TMEM132D: variants seen among roughly 807,000 people sequenced by gnomAD.
The protein encoded by TMEM132D is transmembrane protein 132D.
TMEM132D carries 21 observed loss-of-function variants against 62.3 expected under a neutral mutation model. The ratio of observed to expected loss-of-function variants is 0.34; its 90% CI spans 0.24 to 0.49. TMEM132D has a LOEUF of 0.49. Among genes scored for constraint, TMEM132D ranks in the 20% least tolerant of loss-of-function variants. The probability of loss-of-function intolerance (pLI) is 0.99; values close to 1 mark genes in which losing one functional copy is unlikely to be tolerated. For synonymous variants in TMEM132D, 621 were observed against 575.6 expected (o/e 1.08, Z -1.13); for missense variants, 1,346 against 1,402.8 (o/e 0.96, Z 0.65).
At chr12:129,144,934 C>T (rs1593275750) in intron 5 of TMEM132D, among the ~76,000 whole-genome samples, 1 of 151,798 alleles carries the variant, frequency 6.6e-6, no homozygotes, top group Non-Finnish European at 1.5e-5. Flanking sequence ...ATCTACCTAT[C>T]ATCTAATCTA....
chr12:129,643,001 T>C (rs1347133901), intron 2 of TMEM132D, among the ~76,000 whole-genome samples: 2 of 143,458 alleles, frequency 1.4e-5, no homozygotes, highest in Admixed American at 1.5e-4. Flanking sequence ...CTCGGCTCAC[T>C]GCAACCTCTG....
chr12:129,821,916 C>T (rs1872550288), intron 1 of TMEM132D, among the ~76,000 whole-genome samples: 1 of 152,184 alleles, frequency 6.6e-6, no homozygotes, highest in South Asian at 2.1e-4. Flanking sequence ...GTGGCCAAGA[C>T]CACAGGTTTC....
At chr12:129,245,975 C>T (rs1880093203) in intron 4 of TMEM132D, among the ~76,000 whole-genome samples, 1 of 152,174 alleles carries the variant, frequency 6.6e-6, no homozygotes, top group Non-Finnish European at 1.5e-5. Flanking sequence ...CGTCATCTGT[C>T]TGCACTGAGA....
At chr12:129,265,346 G>T (rs904746319) in intron 4 of TMEM132D, among the ~76,000 whole-genome samples, 1 of 152,216 alleles carries the variant, frequency 6.6e-6, no homozygotes, top group Admixed American at 6.5e-5. Context: ...AATGTCCAGT[G>T]TTGTGGTAGA....
chr12:129,868,752 G>A (rs1874148324), intron 1 of TMEM132D, among the ~76,000 whole-genome samples: 2 of 152,188 alleles, frequency 1.3e-5, no homozygotes, highest in African/African-American at 4.8e-5. Context: ...GAAGTTCACT[G>A]TCCAGCTGCT....
Position 129,230,307 on chromosome 12 carries a change from A to AGG in TMEM132D, c.1300-20646_1300-20645dup, listed in dbSNP as rs10668079. On this transcript the variant is annotated intron_variant, in intron 4 of 8. Coordinates refer to ENST00000422113, the MANE Select transcript of TMEM132D (RefSeq NM_133448.3). The stretch of plus-strand genomic sequence containing the variant: ...CCTTCCTAAACTCCTTCTGTGTTGG[A>AGG]GGGGGGGGGCTCCCCAGCCTGGCCA... Among the ~76,000 whole-genome samples, 489 of 140,582 alleles carry AGG rather than the reference A, an allele frequency of 3.5e-3. 6 individuals are homozygous for AGG. Among genetic ancestry groups the AGG allele is most frequent in the East Asian group, 6.3e-3 (30 of 4,726 alleles). 92.2% of individuals were successfully genotyped at this position (140,582 alleles called of 152,430 possible). A position where few individuals can be genotyped will look rare whatever the true frequency, so the allele number is the denominator to read the frequency against.
chr12:129,634,942 G>A lies in TMEM132D; in HGVS notation c.968+64868C>T, dbSNP rs146077099. On this transcript the variant is annotated intron_variant, in intron 2 of 8. Transcript: ENST00000422113. The stretch of plus-strand genomic sequence containing the variant: ...CTTTGAGGAACTAGAACCATTTTGT[G>A]TAAGAATTTTTATTTTCTGGGCTCC... 4.5e-4 allele frequency among the ~76,000 whole-genome samples: 69 copies of A among 152,232 alleles called. 1 individual carries two copies. The highest frequency in any genetic ancestry group is 1.7e-3 in the African/African-American group (69 of 41,544).
chr12:129,479,016 T>TA (rs1874351918), intron 3 of TMEM132D, among the ~76,000 whole-genome samples: 1 of 152,244 alleles, frequency 6.6e-6, no homozygotes, highest in South Asian at 2.1e-4. Flanking sequence ...TTTGTTCTCT[T>TA]ACGTTCTGCG....
chr12:129,327,447 G>A (rs1490001968), intron 4 of TMEM132D, among the ~76,000 whole-genome samples: 1 of 152,174 alleles, frequency 6.6e-6, no homozygotes, highest in Non-Finnish European at 1.5e-5. Flanking sequence ...TAGAAATTCA[G>A]TTACTCAGTG....
chr12:129,084,416 C>T, intron 6 of TMEM132D, 81 bp downstream of exon 6: 3 of 1,400,312 alleles, frequency 2.1e-6, no homozygotes, highest in Non-Finnish European at 2.9e-6. Flanking sequence ...CCACATGCAT[C>T]CTCAGACCCA....
intron 1 of TMEM132D, among the ~76,000 whole-genome samples, chr12:129,722,730 T>G (rs1868882882): frequency 2.1e-5 from 1 of 48,652 alleles, no homozygotes. Flanking sequence ...CCTGGCTCCT[T>G]TTTCTTTTTT....
chr12:129,276,839 G>A (rs1200525294), intron 4 of TMEM132D, among the ~76,000 whole-genome samples: 1 of 152,200 alleles, frequency 6.6e-6, no homozygotes, highest in Non-Finnish European at 1.5e-5. Context: ...AGGCCAAACG[G>A]ATTTATTGTT....
Position 129,074,049 on chromosome 12 carries a change from C to T in TMEM132D, c.3126G>A (p.Arg1042=), listed in dbSNP as rs770471185. ...TGAAGGTGGTAAATTTTACCCTTTT[C>T]CTTTTTGAGGTAGGGGATGTTGGGG... ...SEPPTSPTSK[R]KRVKFTTFTA... is the part of the protein sequence containing the mutation. The change falls in exon 9 of 9, where the codon AGG becomes AGA. Residue 1042 remains arginine (R), a synonymous_variant. Coordinates refer to ENST00000422113, the MANE Select transcript of TMEM132D (RefSeq NM_133448.3). 6.2e-7 allele frequency: 1 copy of T among 1,613,930 alleles called. No individual in the cohort carries two copies. Among genetic ancestry groups the T allele is most frequent in the Non-Finnish European group, 8.5e-7 (1 of 1,179,916 alleles).
At chr12:129,604,768 C>T (rs373312647) in intron 2 of TMEM132D, among the ~76,000 whole-genome samples, 3 of 152,200 alleles carry the variant, frequency 2.0e-5, no homozygotes, top group African/African-American at 2.4e-5. Context: ...TTATCATTAT[C>T]GTTATCTAAG....
At chr12:129,380,639 A>G (rs1293746076) in intron 3 of TMEM132D, among the ~76,000 whole-genome samples, 1 of 151,900 alleles carries the variant, frequency 6.6e-6, no homozygotes, top group Non-Finnish European at 1.5e-5. Context: ...TGTCTCCATC[A>G]CCACAGTCGA....
chr12:129,772,127 T>C (rs1479534340), intron 1 of TMEM132D, among the ~76,000 whole-genome samples: 1 of 152,152 alleles, frequency 6.6e-6, no homozygotes, highest in Non-Finnish European at 1.5e-5. Flanking sequence ...AAAATTAATG[T>C]ATTGTAAAAC....
chr12:129,416,327 G>C (rs1293346047), intron 3 of TMEM132D, among the ~76,000 whole-genome samples: 26 of 152,118 alleles, frequency 1.7e-4, no homozygotes, highest in Non-Finnish European at 2.9e-5. Context: ...AATTGTGAAT[G>C]GGAGTTCACT....
chr12:129,392,453 AGACCTTTCCTCT>A (rs928802471), intron 3 of TMEM132D, among the ~76,000 whole-genome samples: 7 of 152,302 alleles, frequency 4.6e-5, no homozygotes, highest in African/African-American at 1.7e-4. Context: ...TGCACACTGG[AGACCTTTCCTCT>A]GATCCTTCCT....
At chr12:129,236,321 C>G (rs1461093279) in intron 4 of TMEM132D, among the ~76,000 whole-genome samples, 1 of 151,716 alleles carries the variant, frequency 6.6e-6, no homozygotes, top group Non-Finnish European at 1.5e-5. Context: ...TCAAGACCAG[C>G]CTGGCCAATA....
Sources: gnomAD v4.1 joint callset for allele counts (sites outside exome capture counted in the v4.1 genomes callset) on GRCh38, gnomAD v4.1.1 for gene constraint, MANE v1.5 for transcripts, NCBI Gene and HGNC (gene_info 2026-07-23, HGNC 2026-07-21) for gene names.